Variants in PAPOLG observed in about 807,000 individuals in gnomAD.
PAPOLG encodes PAP-gamma.
PAPOLG carries 40 observed loss-of-function variants against 99.0 expected under a neutral mutation model. That is an observed-to-expected ratio of 0.40 (90% CI 0.31 to 0.53). PAPOLG has a LOEUF of 0.53. Among genes scored for constraint, PAPOLG ranks in the 20% least tolerant of loss-of-function variants. The pLI, the probability that PAPOLG is intolerant of heterozygous loss-of-function variation, is 0.41. For synonymous variants in PAPOLG, 310 were observed against 299.3 expected, an observed-to-expected ratio of 1.04 and a Z score of -0.37; for missense variants, 675 against 884.1, an observed-to-expected ratio of 0.76 and a Z score of 3.00.
chr2:60,767,690 GT>G (rs1670722472), intron 3 of PAPOLG, among the ~76,000 whole-genome samples: 1 of 152,194 alleles, frequency 6.6e-6, no homozygotes, highest in Non-Finnish European at 1.5e-5. Context: ...GAATGACTCC[GT>G]TCTTACAGAA....
chr2:60,778,581 G>A (rs570360278), intron 8 of PAPOLG, among the ~76,000 whole-genome samples: 1 of 152,206 alleles, frequency 6.6e-6, no homozygotes, highest in East Asian at 1.9e-4. Context: ...CCATTGAATT[G>A]TGTACTTTAA....
intron 3 of PAPOLG, among the ~76,000 whole-genome samples, chr2:60,762,707 A>C (rs946739092): frequency 4.6e-5 from 7 of 151,506 alleles, no homozygotes; most frequent in African/African-American, 1.7e-4. Flanking sequence ...GCTCAGTGCA[A>C]CCTCCTCCTC....
At chr2:60,777,577 T>G (rs1671058703) in intron 8 of PAPOLG, among the ~76,000 whole-genome samples, 1 of 152,252 alleles carries the variant, frequency 6.6e-6, no homozygotes, top group Non-Finnish European at 1.5e-5. Context: ...ATTCACAGCT[T>G]GGTTAACTGA....
At chr2:60,780,607 A>G (rs553220166) in intron 9 of PAPOLG, 100 bp from the exon 10 acceptor site, 119 of 1,252,064 alleles carry the variant, frequency 9.5e-5, no homozygotes, top group Non-Finnish European at 1.3e-4. Context: ...TACCCAGAAC[A>G]TTCACTCTGT....
intron 5 of PAPOLG, among the ~76,000 whole-genome samples, chr2:60,769,911 C>T (rs895330026): frequency 3.9e-5 from 6 of 151,982 alleles, no homozygotes; most frequent in Non-Finnish European, 8.8e-5. Flanking sequence ...GTAATGTTCT[C>T]CCTCCCTTGT....
At chr2:60,783,087 G>A in intron 12 of PAPOLG, 69 bp from the exon 13 acceptor site, 3 of 1,361,438 alleles carry the variant, frequency 2.2e-6, no homozygotes, top group Non-Finnish European at 3.0e-6. Flanking sequence ...GAAAAAAGGG[G>A]ATGATTAAAA....
intron 3 of PAPOLG, among the ~76,000 whole-genome samples, chr2:60,763,798 C>T (rs1389203604): frequency 6.6e-6 from 1 of 151,466 alleles, no homozygotes; most frequent in African/African-American, 2.4e-5. Context: ...GCCATCACAC[C>T]TGGCCTTGGT....
At chr2:60,793,281 G>C (rs1489009559) in intron 17 of PAPOLG, among the ~76,000 whole-genome samples, 1 of 151,458 alleles carries the variant, frequency 6.6e-6, no homozygotes. Context: ...ATGGGGCCAG[G>C]CGTGGTGGGT....
In PAPOLG at chr2:60,770,451, T is replaced by A; in HGVS notation, c.439-7T>A. 3 of 1,593,978 alleles carry A rather than the reference T, an allele frequency of 1.9e-6. No individual in the cohort carries two copies. Among genetic ancestry groups the A allele is most frequent in the Non-Finnish European group, 2.6e-6 (3 of 1,169,952 alleles). ...CTATGTGTTATAATTGTTTTCCTTT[T>A]TTGTAGGCTGTAGAAGATGCCTTTG... On this transcript the variant is annotated splice_region_variant and splice_polypyrimidine_tract_variant and intron_variant, in intron 5 of 21. Coordinates refer to ENST00000238714, the MANE Select transcript of PAPOLG (RefSeq NM_022894.4).
In PAPOLG at chr2:60,792,395, G is replaced by T. The variant is rs1234088782; in HGVS notation, c.1679+106G>T. On this transcript the variant is annotated intron_variant, in intron 17 of 21. Coordinates refer to ENST00000238714, the MANE Select transcript of PAPOLG (RefSeq NM_022894.4). ...CTACTGCCTTTTAAAATTGTTAAAA[G>T]ATTTCATTTTACTGGCTGCTGGTCA... The T allele has an allele frequency of 3.7e-6, 4 of 1,089,384 alleles. No homozygotes were observed. The Admixed American group carries it at 1.2e-4, about 32-fold the overall frequency. 67.5% of individuals were successfully genotyped at this position (1,089,384 alleles called of 1,614,324 possible).
intron 3 of PAPOLG, among the ~76,000 whole-genome samples, chr2:60,763,467 G>A (rs1340478703): frequency 1.3e-5 from 2 of 152,056 alleles, no homozygotes; most frequent in Non-Finnish European, 2.9e-5. Flanking sequence ...TGTGGAAACT[G>A]CAGATACGGA....
intron 21 of PAPOLG, among the ~76,000 whole-genome samples, chr2:60,796,464 A>T (rs1055512296): frequency 6.6e-5 from 10 of 151,882 alleles, no homozygotes; most frequent in Admixed American, 4.6e-4. Flanking sequence ...TTTATGTAAT[A>T]ATCTTTAATG....
chr2:60,765,390 CT>C (rs397743711), intron 3 of PAPOLG, among the ~76,000 whole-genome samples: 171 of 132,420 alleles, frequency 1.3e-3, no homozygotes, highest in Middle Eastern at 4.0e-3. Context: ...CTATAATTCT[CT>C]TTTTTTTTTT....
chr2:60,759,901 T>C (rs1398555611), intron 1 of PAPOLG, among the ~76,000 whole-genome samples: 2 of 152,184 alleles, frequency 1.3e-5, no homozygotes, highest in African/African-American at 4.8e-5. Flanking sequence ...ATGCTGCGCT[T>C]GGCTTGAAAA....
intron 3 of PAPOLG, among the ~76,000 whole-genome samples, chr2:60,763,211 G>T (rs1057492269): frequency 1.3e-5 from 2 of 152,016 alleles, no homozygotes; most frequent in Admixed American, 6.6e-5. Context: ...TGAATAGCTG[G>T]AACTGTAGGA....
intron 10 of PAPOLG, 64 bp from the exon 11 acceptor site, chr2:60,781,821 G>T: frequency 6.3e-7 from 1 of 1,595,734 alleles, no homozygotes; most frequent in South Asian, 1.1e-5. Flanking sequence ...AGACTTTTGG[G>T]GAAATGAAGT....
intron 21 of PAPOLG, chr2:60,795,300 A>T (rs76955417): frequency 0.11 from 60,415 of 552,370 alleles, 3,346 homozygotes; most frequent in Middle Eastern, 0.14. Flanking sequence ...AAGCAGTTGG[A>T]TGCTCAGCAC....
Position 60,787,546 on chromosome 2 carries a change from T to A in PAPOLG, c.1322T>A (p.Ile441Asn). The A allele has an allele frequency of 1.2e-6, 2 of 1,614,054 alleles. No homozygotes were observed. Among genetic ancestry groups the A allele is most frequent in the South Asian group, 2.2e-5 (2 of 91,046 alleles). ...NYVSMWFLGI[I>N]FRRVENAESV... ...GTATCAATGTGGTTCCTTGGGATAATTTTTCGGAGAGTAGAAAATGCAGAA... is the reference window on the plus strand; with the variant it reads ...GTATCAATGTGGTTCCTTGGGATAAATTTTCGGAGAGTAGAAAATGCAGAA... Residue 441 changes from isoleucine (I) to asparagine (N), a missense_variant, in exon 15 of 22, where the codon ATT becomes AAT. Ile to Asn is a moderately radical substitution (Grantham distance 149, BLOSUM62 -3). Around this residue, in one of 3 missense-constraint regions of PAPOLG, gnomAD observed 413 missense variants for 460.5 expected, o/e 0.90. Coordinates refer to ENST00000238714, the MANE Select transcript of PAPOLG (RefSeq NM_022894.4).
chr2:60,756,330 G>T lies in PAPOLG; in HGVS notation c.-149G>T, dbSNP rs1670337141. 2 of 936,264 alleles carry T rather than the reference G, an allele frequency of 2.1e-6. No individual in the cohort carries two copies. The highest frequency in any genetic ancestry group is 3.5e-6 in the Non-Finnish European group (2 of 579,654). 58.0% of individuals were successfully genotyped at this position (936,264 alleles called of 1,614,324 possible). A position where few individuals can be genotyped will look rare whatever the true frequency, so the allele number is the denominator to read the frequency against. ...CGGTTTTGTGGTGTTTTCACTACTC[G>T]GTTGGATGCCTCAGCCATAGTAAGT... On this transcript the variant is annotated 5_prime_UTR_variant, in exon 1 of 22. Coordinates refer to ENST00000238714, the MANE Select transcript of PAPOLG (RefSeq NM_022894.4).
Sources: allele counts gnomAD v4.1 joint callset (sites outside exome capture counted in the v4.1 genomes callset), GRCh38; gene constraint gnomAD v4.1.1; regional missense constraint gnomAD v4.1.1; transcripts MANE v1.5; gene names NCBI Gene and HGNC (gene_info 2026-07-23, HGNC 2026-07-21).